SMAD2: variants seen among roughly 807,000 people sequenced by gnomAD.
SMAD2 encodes the protein SMAD family member 2.
In SMAD2, 8 loss-of-function variants were observed where a neutral mutation model predicts 64.4. The observed-to-expected ratio is 0.12, with a 90% CI of 0.07 to 0.22. SMAD2 has a LOEUF of 0.22. Among genes scored for constraint, SMAD2 ranks in the 10% least tolerant of loss-of-function variants. SMAD2 has a pLI of 1.00. For synonymous variants in SMAD2, 203 were observed against 195.8 expected (o/e 1.04, Z -0.31); for missense variants, 289 against 561.2 (o/e 0.51, Z 4.90).
intron 6 of SMAD2, among the ~76,000 whole-genome samples, chr18:47,855,864 G>A (rs1320561926): frequency 6.6e-6 from 1 of 152,108 alleles, no homozygotes; most frequent in African/African-American, 2.4e-5. Context: ...ACTTTCTGCT[G>A]AAAAAGCTGA....
chr18:47,853,151 G>A, intron 6 of SMAD2: 1 of 178,802 alleles, frequency 5.6e-6, no homozygotes, highest in Non-Finnish European at 1.1e-5. Context: ...CCAACATAGT[G>A]AAACCCCATC....
chr18:47,889,020 C>T (rs1407460400), intron 2 of SMAD2, among the ~76,000 whole-genome samples: 7 of 151,828 alleles, frequency 4.6e-5, no homozygotes, highest in South Asian at 2.1e-4. Context: ...TAAGAACTTA[C>T]GTAGGCTTAA....
chr18:47,863,813 C>T (rs1445029961), intron 6 of SMAD2, among the ~76,000 whole-genome samples: 1 of 152,126 alleles, frequency 6.6e-6, no homozygotes, highest in African/African-American at 2.4e-5. Flanking sequence ...CATAGCTGGC[C>T]ACAATATGTT....
chr18:47,885,196 C>G (rs201750653), intron 2 of SMAD2, among the ~76,000 whole-genome samples: 3 of 151,554 alleles, frequency 2.0e-5, no homozygotes, highest in South Asian at 2.1e-4. Flanking sequence ...TACCCTCCCC[C>G]CCCAAGACAG....
chr18:47,852,250 A>T (rs2030180933), intron 6 of SMAD2, among the ~76,000 whole-genome samples: 1 of 152,114 alleles, frequency 6.6e-6, no homozygotes, highest in Non-Finnish European at 1.5e-5. Flanking sequence ...TTGACTCTTA[A>T]TCCTAATTTT....
At chr18:47,857,943 C>T (rs1270645954) in intron 6 of SMAD2, among the ~76,000 whole-genome samples, 1 of 152,164 alleles carries the variant, frequency 6.6e-6, no homozygotes, top group Non-Finnish European at 1.5e-5. Flanking sequence ...ACTGACCCTC[C>T]CTGAAACCTG....
At chr18:47,929,449 G>C (rs570376012) in intron 1 of SMAD2, among the ~76,000 whole-genome samples, 3 of 152,296 alleles carry the variant, frequency 2.0e-5, no homozygotes, top group Admixed American at 6.5e-5. Flanking sequence ...ATTATTCCAA[G>C]TTATTTATTT....
intron 4 of SMAD2, among the ~76,000 whole-genome samples, 183 bp downstream of exon 4, chr18:47,869,058 GAT>G (rs573936532): frequency 1.2e-3 from 181 of 152,176 alleles, no homozygotes; most frequent in African/African-American, 4.2e-3. Context: ...CCAAGAAACA[GAT>G]ATGTTTTCTC....
At chr18:47,863,409 T>C (rs1325784142) in intron 6 of SMAD2, among the ~76,000 whole-genome samples, 1 of 152,232 alleles carries the variant, frequency 6.6e-6, no homozygotes, top group African/African-American at 2.4e-5. Context: ...CTGCAATTAT[T>C]TTAGCTGGCT....
intron 1 of SMAD2, among the ~76,000 whole-genome samples, chr18:47,900,145 T>C (rs946673526): frequency 1.3e-5 from 2 of 152,112 alleles, no homozygotes; most frequent in Non-Finnish European, 2.9e-5. Flanking sequence ...GGAAAGAAAA[T>C]AGGCAACATT....
At position 47,896,558 on chromosome 18, in the gene SMAD2, T is replaced by C; in HGVS notation, c.199A>G (p.Thr67Ala). The C allele has an allele frequency of 2.5e-6, 4 of 1,614,128 alleles. No individual in the cohort carries two copies. The highest frequency in any genetic ancestry group is 3.4e-6 in the Non-Finnish European group (4 of 1,180,030). ...RLDELEKAIT[T>A]QNCNTKCVTI... Reference sequence around the variant, plus strand: ...ACACATTTAGTATTACAGTTTTGAGTGGTGATGGCTTTCTCAAGCTCATCT... The same window carrying C: ...ACACATTTAGTATTACAGTTTTGAGCGGTGATGGCTTTCTCAAGCTCATCT... Residue 67 changes from threonine to alanine, a missense_variant, in exon 2 of 11, where the codon ACT (threonine) becomes GCT (alanine). Coordinates refer to ENST00000262160, the MANE Select transcript of SMAD2 (RefSeq NM_005901.6).
rs142213588 is a variant in SMAD2, at chr18:47,837,837, G to A, written c.*3990C>T. 5.3e-3 allele frequency: 1,243 copies of A among 232,530 alleles called. 5 individuals carry two copies. The highest frequency in any genetic ancestry group is 9.8e-3 in the Admixed American group (175 of 17,772). 14.4% of individuals were successfully genotyped at this position (232,530 alleles called of 1,614,324 possible). A position where few individuals can be genotyped will look rare whatever the true frequency, so the allele number is the denominator to read the frequency against. On this transcript the variant is annotated 3_prime_UTR_variant, in exon 11 of 11. Transcript: ENST00000262160. ...TGGGCAGGGGCTTGGGAGGGAAGGCGCAAATTGGAATGTTCAGCTTTTAAA... is the reference window on the plus strand; with the variant it reads ...TGGGCAGGGGCTTGGGAGGGAAGGCACAAATTGGAATGTTCAGCTTTTAAA...
chr18:47,821,949 T>C lies in SMAD2; in HGVS notation c.*19878A>G, dbSNP rs991654409. The C allele has an allele frequency of 6.6e-6, 1 of 152,238 alleles. No individual in the cohort carries two copies. Among genetic ancestry groups the C allele is most frequent in the South Asian group, 2.1e-4 (1 of 4,830 alleles). The allele number at this position is 152,238 out of a possible 1,614,324, so 9.4% of individuals were successfully genotyped here. On this transcript the variant is annotated 3_prime_UTR_variant, in exon 11 of 11. Transcript: ENST00000262160. ...GGCTCAAGTTCTAAATTAAGTGTTTTTGACTTAAAATTACCTTTGAGTTTT... is the reference window on the plus strand; with the variant it reads ...GGCTCAAGTTCTAAATTAAGTGTTTCTGACTTAAAATTACCTTTGAGTTTT...
intron 1 of SMAD2, among the ~76,000 whole-genome samples, chr18:47,920,391 T>C (rs187435856): frequency 8.3e-4 from 126 of 152,360 alleles, no homozygotes; most frequent in Non-Finnish European, 4.1e-4. Context: ...TTAAAAACCA[T>C]TGAAATATTT....
intron 1 of SMAD2, among the ~76,000 whole-genome samples, chr18:47,901,056 T>A (rs954740579): frequency 6.6e-6 from 1 of 152,202 alleles, no homozygotes; most frequent in Non-Finnish European, 1.5e-5. Context: ...GTTTCAATGT[T>A]CTACATATGA....
rs1480065499 is a variant in SMAD2 at position 47,819,643 on chromosome 18, A to G, written c.*22184T>C. On this transcript the variant is annotated 3_prime_UTR_variant, in exon 11 of 11. Transcript: ENST00000262160. ...AACCTCGTCTCTACTAAAAATACAAAAAATTGGCTGGGCGCGGTGGCGGGC... is the reference window on the plus strand; with the variant it reads ...AACCTCGTCTCTACTAAAAATACAAGAAATTGGCTGGGCGCGGTGGCGGGC... 6.6e-6 allele frequency: 1 copy of G among 152,160 alleles called. No homozygotes were observed. The highest frequency in any genetic ancestry group is 1.5e-5 in the Non-Finnish European group (1 of 68,064). 9.4% of individuals were successfully genotyped at this position (152,160 alleles called of 1,614,324 possible). A position where few individuals can be genotyped will look rare whatever the true frequency, so the allele number is the denominator to read the frequency against.
At position 47,809,634 on chromosome 18, in the gene SMAD2, T is replaced by C. The variant is rs1912139948; in HGVS notation, c.*32193A>G. The C allele has an allele frequency of 6.6e-6, 1 of 152,288 alleles. No homozygotes were observed. Among genetic ancestry groups the C allele is most frequent in the Non-Finnish European group, 1.5e-5 (1 of 68,080 alleles). The allele number at this position is 152,288 out of a possible 1,614,324, so 9.4% of individuals were successfully genotyped here. On this transcript the variant is annotated 3_prime_UTR_variant, in exon 11 of 11. Transcript: ENST00000262160. The stretch of plus-strand genomic sequence containing the variant: ...GAACCGGGCAGTGATTCCCATCTTA[T>C]AAGAGCTTTGTTGGATGACAGCCAA...
At position 47,816,659 on chromosome 18, in the gene SMAD2, CCAA is replaced by C. The variant is rs1204248432; in HGVS notation, c.*25165_*25167del. 3 of 152,130 alleles carry C rather than the reference CCAA, an allele frequency of 2.0e-5. No homozygotes were observed. In the East Asian group the frequency reaches 5.8e-4, roughly 29 times the overall value. 9.4% of individuals were successfully genotyped at this position (152,130 alleles called of 1,614,324 possible). On this transcript the variant is annotated 3_prime_UTR_variant, in exon 11 of 11. Coordinates refer to ENST00000262160, the MANE Select transcript of SMAD2 (RefSeq NM_005901.6). ...CCACCCTTGCTATTGATCTTTGTAACCAACGACAATTATTTCAAAACAATTATA... is the reference window on the plus strand; with the variant it reads ...CCACCCTTGCTATTGATCTTTGTAACCGACAATTATTTCAAAACAATTATA...
rs1261292733 is a variant in SMAD2, at chr18:47,819,447, A to G, written c.*22380T>C. ...AGGTAATAAAAATGGTTAACAGGAA[A>G]ATAACTTGAAATGACTAGCTATGTC... On this transcript the variant is annotated 3_prime_UTR_variant, in exon 11 of 11. Transcript: ENST00000262160. 1 of 152,206 alleles carries G rather than the reference A, an allele frequency of 6.6e-6. No homozygotes were observed. Among genetic ancestry groups the G allele is most frequent in the Non-Finnish European group, 1.5e-5 (1 of 68,042 alleles). 9.4% of individuals were successfully genotyped at this position (152,206 alleles called of 1,614,324 possible).
Sources: allele counts gnomAD v4.1 joint callset (sites outside exome capture counted in the v4.1 genomes callset), GRCh38; gene constraint gnomAD v4.1.1; transcripts MANE v1.5; gene names NCBI Gene and HGNC (gene_info 2026-07-23, HGNC 2026-07-21).